The following SRI variants were observed in gnomAD, a reference collection of about 807,000 sequenced individuals.
SRI encodes the protein sorcin.
SRI carries 30 observed loss-of-function variants against 33.3 expected under a neutral mutation model. The ratio of observed to expected loss-of-function variants is 0.90; its 90% CI spans 0.67 to 1.22. The LOEUF is 1.22. Ranked by LOEUF, SRI falls within the 50% of genes most tolerant of loss-of-function variation. The probability of loss-of-function intolerance (pLI) is 0.00; values close to 1 mark genes in which losing one functional copy is unlikely to be tolerated. For missense variants in SRI, 243 were observed against 250.8 expected, an observed-to-expected ratio of 0.97 and a Z score of 0.21; for synonymous variants, 75 against 89.9, an observed-to-expected ratio of 0.83 and a Z score of 0.94.
upstream of SRI, among the ~76,000 whole-genome samples, chr7:88,222,764 T>C (rs1285845459): frequency 6.6e-5 from 10 of 152,284 alleles, no homozygotes; most frequent in Non-Finnish European, 1.2e-4. Context: ...ATTCCCTATT[T>C]AATAAATGGT....
rs567553042 is a variant in SRI, at chr7:88,226,163, G to C, written c.6+746C>G. Among the ~76,000 whole-genome samples, 37 of 152,198 alleles carry C rather than the reference G, an allele frequency of 2.4e-4. No homozygotes were observed. The East Asian group carries it at 7.0e-3, about 29-fold the overall frequency. ...AGAACATTGGACTAGTATATTATGG[G>C]GGTGTTAATTCTAAAAGCTAATTTT... On this transcript the variant is annotated intron_variant, in intron 1 of 7. Coordinates refer to the SRI transcript ENST00000394641.
chr7:88,226,712 G>A (rs1204020419), intron 1 of SRI, among the ~76,000 whole-genome samples: 3 of 152,130 alleles, frequency 2.0e-5, no homozygotes, highest in Non-Finnish European at 4.4e-5. Flanking sequence ...TTTTTCAGTA[G>A]TTACTTGCCT....
intron 3 of SRI, chr7:88,214,772 A>C (rs986320135): frequency 1.1e-6 from 1 of 879,174 alleles, no homozygotes. Context: ...AATAATTTCC[A>C]AAGAATCTCT....
chr7:88,210,430 G>T, intron 4 of SRI: 1 of 430,276 alleles, frequency 2.3e-6, no homozygotes, highest in South Asian at 2.1e-5. Context: ...GTACTTTGTG[G>T]GTGCTTCAGG....
At chr7:88,210,698 G>A in intron 4 of SRI, 184 bp downstream of exon 4, 1 of 583,680 alleles carries the variant, frequency 1.7e-6, no homozygotes, top group Non-Finnish European at 3.1e-6. Context: ...ACAACATTCT[G>A]TTTACTAAAT....
At chr7:88,209,271 C>T in intron 6 of SRI, 68 bp downstream of exon 6, 3 of 1,317,356 alleles carry the variant, frequency 2.3e-6, no homozygotes, top group East Asian at 2.3e-5. Flanking sequence ...TTGAGAAGCA[C>T]TGAGAGATGA....
upstream of SRI, among the ~76,000 whole-genome samples, chr7:88,221,083 A>G (rs1851879547): frequency 6.6e-6 from 1 of 152,236 alleles, no homozygotes; most frequent in African/African-American, 2.4e-5. Flanking sequence ...ACGCATTAAT[A>G]AGCAAGATTC....
intron 1 of SRI, 136 bp from the exon 2 acceptor site, chr7:88,219,078 A>G: frequency 1.4e-6 from 1 of 720,534 alleles, no homozygotes; most frequent in South Asian, 1.5e-5. Context: ...ACCACCGGGC[A>G]CACTCTGCCA....
intron 4 of SRI, chr7:88,210,372 C>T: frequency 1.9e-6 from 1 of 526,094 alleles, no homozygotes; most frequent in Non-Finnish European, 3.4e-6. Flanking sequence ...AATAGCGTTG[C>T]CATTGTGAAC....
intron 7 of SRI, 79 bp from the exon 8 acceptor site, chr7:88,206,583 GT>G: frequency 1.3e-6 from 2 of 1,562,046 alleles, no homozygotes; most frequent in Admixed American, 3.3e-5. Context: ...CTTACATTTG[GT>G]TTTCTAATTT....
At chr7:88,211,762 G>A (rs528205704) in intron 3 of SRI, among the ~76,000 whole-genome samples, 1 of 152,208 alleles carries the variant, frequency 6.6e-6, no homozygotes, top group South Asian at 2.1e-4. Context: ...AGAATTATGT[G>A]TTAAATAAGA....
intron 3 of SRI, chr7:88,216,777 T>C (rs902534111): frequency 4.8e-6 from 1 of 206,682 alleles, no homozygotes; most frequent in African/African-American, 2.3e-5. Flanking sequence ...AATAATTTAT[T>C]ATTATTATTA....
At chr7:88,206,985 T>C (rs1347046265) in intron 7 of SRI, among the ~76,000 whole-genome samples, 5 of 152,156 alleles carry the variant, frequency 3.3e-5, no homozygotes, top group Admixed American at 1.3e-4. Flanking sequence ...CAAGTGTATG[T>C]ATGCACAGAA....
At chr7:88,218,794 C>G (rs1851799638) in intron 2 of SRI, 65 bp downstream of exon 2, 1 of 1,509,116 alleles carries the variant, frequency 6.6e-7, no homozygotes, top group Non-Finnish European at 9.2e-7. Flanking sequence ...TTCTGTGTCA[C>G]TATATCAAAA....
In SRI at chr7:88,219,976, C is replaced by A; in HGVS notation, c.51G>T (p.Gly17=). The stretch of plus-strand genomic sequence containing the variant: ...GCGATCCCGCGCAGTCAGCACTTAC[C>A]CCGCCTGGGTAGTACCCGCCGCCGG... ...PGAGGGYYPG[G]YGGAPGGPAF... is the part of the protein sequence containing the mutation. The change falls in exon 1 of 8, where the codon GGG becomes GGT. Residue 17 remains glycine, a splice_region_variant and synonymous_variant. Coordinates refer to ENST00000265729, the MANE Select transcript of SRI (RefSeq NM_003130.4). 1 of 1,540,548 alleles carries A rather than the reference C, an allele frequency of 6.5e-7. No individual in the cohort carries two copies. The highest frequency in any genetic ancestry group is 1.2e-5 in the South Asian group (1 of 83,594).
intron 3 of SRI, among the ~76,000 whole-genome samples, chr7:88,211,566 G>T (rs1851580655): frequency 6.6e-6 from 1 of 152,126 alleles, no homozygotes; most frequent in African/African-American, 2.4e-5. Flanking sequence ...CAACATGGTG[G>T]GTGGGAAGTC....
chr7:88,212,882 G>GA (rs1851612822), intron 3 of SRI, among the ~76,000 whole-genome samples: 1 of 152,174 alleles, frequency 6.6e-6, no homozygotes, highest in African/African-American at 2.4e-5. Context: ...TGATGCCAAT[G>GA]CTGCTAAAGT....
At chr7:88,213,780 TAAG>T (rs1375409864) in intron 3 of SRI, among the ~76,000 whole-genome samples, 1 of 152,204 alleles carries the variant, frequency 6.6e-6, no homozygotes, top group Non-Finnish European at 1.5e-5. Flanking sequence ...TTAGATCGTC[TAAG>T]AAGGAATGTT....
rs150714131 is a variant in SRI at position 88,209,403 on chromosome 7, G to T, written c.447C>A (p.Ser149Arg). 4 of 1,614,076 alleles carry T rather than the reference G, an allele frequency of 2.5e-6. No individual in the cohort carries two copies. The South Asian group carries it at 4.4e-5, about 18-fold the overall frequency. Residue 149 changes from serine (S) to arginine (R), a missense_variant, in exon 6 of 8, where the codon AGC (serine) becomes AGA (arginine). By Grantham distance (110) the Ser-to-Arg change is moderately radical. Coordinates refer to ENST00000265729, the MANE Select transcript of SRI (RefSeq NM_003130.4). ...QAVNSIAKRY[S>R]TNGKITFDDY... ...CGTCGAAGGTGATCTTTCCATTGGT[G>T]CTGTATCGTTTTGCAATTGAATTCA... is the stretch of plus-strand genomic sequence containing the variant.
Sources: allele counts gnomAD v4.1 joint callset (sites outside exome capture counted in the v4.1 genomes callset), GRCh38; gene constraint gnomAD v4.1.1; transcripts MANE v1.5; gene names NCBI Gene and HGNC (gene_info 2026-07-23, HGNC 2026-07-21).